Variants in NBAS observed in about 807,000 individuals in gnomAD.
The protein encoded by NBAS is NBAS subunit of NRZ tethering complex.
In NBAS, 219 loss-of-function variants were observed where a neutral mutation model predicts 302.5. That is an observed-to-expected ratio of 0.72 (90% CI 0.65 to 0.81). NBAS has a LOEUF of 0.81. Ranked by LOEUF, NBAS falls within the 30% of genes least tolerant of loss-of-function variation. The probability of loss-of-function intolerance (pLI) is 0.00; values close to 1 mark genes in which losing one functional copy is unlikely to be tolerated. For synonymous variants in NBAS, 1,118 were observed against 1,021.6 expected (o/e 1.09, Z -1.80); for missense variants, 2,932 against 2,841.6 (o/e 1.03, Z -0.72).
chr2:15,485,981 A>G (rs947026432), intron 12 of NBAS, among the ~76,000 whole-genome samples: 2 of 152,206 alleles, frequency 1.3e-5, no homozygotes, highest in Non-Finnish European at 2.9e-5. Flanking sequence ...CTTTGAGGCT[A>G]AAACTGGCTA....
At chr2:15,507,504 ATAAT>A (rs1661920930) in intron 10 of NBAS, among the ~76,000 whole-genome samples, 3 of 152,222 alleles carry the variant, frequency 2.0e-5, no homozygotes, top group Admixed American at 2.0e-4. Context: ...ACAACAATAA[ATAAT>A]TAACACTGTA....
chr2:15,380,308 G>C (rs1269752429), intron 29 of NBAS, among the ~76,000 whole-genome samples: 1 of 151,006 alleles, frequency 6.6e-6, no homozygotes, highest in Non-Finnish European at 1.5e-5. Flanking sequence ...TCAAACTCTT[G>C]GGCTCAAGCA....
chr2:15,344,049 A>G (rs2148276774), intron 35 of NBAS, among the ~76,000 whole-genome samples: 1 of 151,860 alleles, frequency 6.6e-6, no homozygotes, highest in East Asian at 1.9e-4. Context: ...AAGACAAATA[A>G]CCAAGTTAAA....
chr2:15,533,358 G>A (rs554455814), intron 9 of NBAS, among the ~76,000 whole-genome samples: 3 of 152,142 alleles, frequency 2.0e-5, no homozygotes, highest in South Asian at 2.1e-4. Context: ...AAAAAATTTA[G>A]AAACAAACCA....
the NBAS span, among the ~76,000 whole-genome samples, chr2:14,944,559 T>G: frequency 6.6e-6 from 1 of 152,028 alleles, no homozygotes; most frequent in Non-Finnish European, 1.5e-5. Flanking sequence ...ATGAAGGTAT[T>G]AAAAGAACAG....
intron 24 of NBAS, 95 bp downstream of exon 24, chr2:15,417,432 G>T: frequency 9.3e-7 from 1 of 1,080,470 alleles, no homozygotes; most frequent in Non-Finnish European, 1.4e-6. Context: ...TCTCAGGTCT[G>T]TAGAACATTT....
chr2:14,952,173 G>C, the NBAS span, among the ~76,000 whole-genome samples: 1 of 152,202 alleles, frequency 6.6e-6, no homozygotes, highest in Non-Finnish European at 1.5e-5. Context: ...TGGTGCCCCA[G>C]TAGCAGCAGC....
chr2:15,242,181 T>G (rs1335248679), intron 44 of NBAS, among the ~76,000 whole-genome samples: 1 of 152,222 alleles, frequency 6.6e-6, no homozygotes. Context: ...TTCAGAAAAC[T>G]AGCTGTAGGT....
chr2:14,954,096 C>T, the NBAS span, among the ~76,000 whole-genome samples: 2 of 152,194 alleles, frequency 1.3e-5, no homozygotes, highest in African/African-American at 4.8e-5. Context: ...GTGCTTTGTG[C>T]ATGCCAGACC....
chr2:15,093,470 C>T, the NBAS span, among the ~76,000 whole-genome samples: 2 of 152,132 alleles, frequency 1.3e-5, no homozygotes, highest in Non-Finnish European at 2.9e-5. Context: ...ATGTTGATAA[C>T]CATGTTCAAC....
chr2:15,383,067 C>T (rs1039421634), intron 29 of NBAS, 148 bp downstream of exon 29: 2 of 658,244 alleles, frequency 3.0e-6, no homozygotes, highest in Non-Finnish European at 5.2e-6. Flanking sequence ...GAATAAAGTG[C>T]TCAACCTATA....
At chr2:15,440,367 G>A (rs1398984436) in intron 21 of NBAS, among the ~76,000 whole-genome samples, 1 of 152,194 alleles carries the variant, frequency 6.6e-6, no homozygotes, top group Non-Finnish European at 1.5e-5. Flanking sequence ...CCGCTATTCT[G>A]CAGACACCGC....
intron 48 of NBAS, among the ~76,000 whole-genome samples, chr2:15,200,189 C>G (rs1333928366): frequency 2.0e-5 from 3 of 151,940 alleles, no homozygotes; most frequent in Non-Finnish European, 4.4e-5. Context: ...CTGTGCCTGG[C>G]CAAAAGCTGG....
chr2:14,923,908 C>T, the NBAS span, among the ~76,000 whole-genome samples: 279 of 152,190 alleles, frequency 1.8e-3, no homozygotes, highest in Non-Finnish European at 3.2e-3. Flanking sequence ...AGGAAAAGGA[C>T]GCTGGAAGCA....
At chr2:14,906,254 T>A in the NBAS span, among the ~76,000 whole-genome samples, 2 of 152,210 alleles carry the variant, frequency 1.3e-5, no homozygotes, top group Non-Finnish European at 2.9e-5. Flanking sequence ...TGTGTCTACG[T>A]GTTTCATCTA....
At chr2:15,148,330 G>A in the NBAS span, among the ~76,000 whole-genome samples, 2 of 152,306 alleles carry the variant, frequency 1.3e-5, no homozygotes, top group South Asian at 4.1e-4. Context: ...GAGAAAGAGA[G>A]TTATCAGTGG....
the NBAS span, among the ~76,000 whole-genome samples, chr2:15,009,082 G>C: frequency 1.6e-4 from 24 of 152,218 alleles, no homozygotes; most frequent in African/African-American, 5.5e-4. Flanking sequence ...ACTAATAGCT[G>C]TGAGAATGCT....
chr2:15,503,355 C>T (rs1476750952), intron 11 of NBAS, among the ~76,000 whole-genome samples: 1 of 152,116 alleles, frequency 6.6e-6, no homozygotes, highest in East Asian at 1.9e-4. Context: ...ATTGGAAATA[C>T]AGTATTTGAG....
chr2:15,329,439 T>C (rs1354164603), intron 36 of NBAS, among the ~76,000 whole-genome samples: 1 of 152,202 alleles, frequency 6.6e-6, no homozygotes, highest in Non-Finnish European at 1.5e-5. Context: ...CCCACTTCTC[T>C]CACCGGGAGG....
Sources: allele counts gnomAD v4.1 joint callset (sites outside exome capture counted in the v4.1 genomes callset), GRCh38; gene constraint gnomAD v4.1.1; transcripts MANE v1.5; gene names NCBI Gene and HGNC (gene_info 2026-07-23, HGNC 2026-07-21).